NTM: variants seen among roughly 807,000 people sequenced by gnomAD.
NTM encodes the protein IgLON family member 2.
Under a neutral mutation model 42.1 loss-of-function variants are expected in NTM, and 13 were observed. The observed-to-expected ratio is 0.31, with a 90% CI of 0.20 to 0.49. The LOEUF is 0.49. Ranked by LOEUF, NTM falls within the 20% of genes least tolerant of loss-of-function variation. NTM has a pLI of 0.99. For missense variants in NTM, 373 were observed against 452.8 expected (o/e 0.82, Z 1.60); for synonymous variants, 187 against 179.2 (o/e 1.04, Z -0.35).
At chr11:131,879,991 A>G (rs2049209726) in intron 1 of NTM, among the ~76,000 whole-genome samples, 1 of 152,200 alleles carries the variant, frequency 6.6e-6, no homozygotes, top group Non-Finnish European at 1.5e-5. Context: ...AAGGATTACA[A>G]TAGATTTTAC....
intron 4 of NTM, among the ~76,000 whole-genome samples, chr11:132,218,419 G>A (rs2084392758): frequency 6.6e-6 from 1 of 152,210 alleles, no homozygotes; most frequent in South Asian, 2.1e-4. Flanking sequence ...CCAAGAAGGG[G>A]CCTCAGTGAT....
chr11:132,001,415 T>C (rs891022341), intron 2 of NTM, among the ~76,000 whole-genome samples: 1 of 152,202 alleles, frequency 6.6e-6, no homozygotes, highest in Non-Finnish European at 1.5e-5. Flanking sequence ...AATTGGATAA[T>C]GTATAAAGAA....
At chr11:132,235,322 CTG>C (rs907477753) in intron 4 of NTM, among the ~76,000 whole-genome samples, 14 of 152,028 alleles carry the variant, frequency 9.2e-5, no homozygotes, top group Non-Finnish European at 1.9e-4. Flanking sequence ...TAAGTGTTCA[CTG>C]TGTGTGGGTG....
At chr11:131,834,627 TA>T (rs2043251475) in intron 1 of NTM, among the ~76,000 whole-genome samples, 1 of 110,642 alleles carries the variant, frequency 9.0e-6, no homozygotes, top group African/African-American at 4.2e-5. Flanking sequence ...TACATATACA[TA>T]TATATATATA....
chr11:131,594,659 A>G (rs1445644692), intron 1 of NTM, among the ~76,000 whole-genome samples: 1 of 152,136 alleles, frequency 6.6e-6, no homozygotes, highest in Non-Finnish European at 1.5e-5. Flanking sequence ...TCAGCCTCCC[A>G]GAGTGCTGGG....
At chr11:131,836,568 A>G (rs1396130308) in intron 1 of NTM, among the ~76,000 whole-genome samples, 1 of 152,226 alleles carries the variant, frequency 6.6e-6, no homozygotes, top group African/African-American at 2.4e-5. Context: ...ATTTGAGCCT[A>G]GGAATTCAAA....
chr11:132,242,328 T>C (rs912357151), intron 4 of NTM, among the ~76,000 whole-genome samples: 10 of 152,100 alleles, frequency 6.6e-5, no homozygotes, highest in African/African-American at 2.4e-4. Context: ...TTCCTGGAAA[T>C]GGAGGATCAA....
In NTM at chr11:131,993,496, C is replaced by T. The variant is rs2067393286; in HGVS notation, c.167+81848C>T. ...CTTGTGTTTGAAATGCCTACAGGGCCTCCAATTGTGCAAGTCCAGGAAGCA... is the reference window on the plus strand; with the variant it reads ...CTTGTGTTTGAAATGCCTACAGGGCTTCCAATTGTGCAAGTCCAGGAAGCA... On this transcript the variant is annotated intron_variant, in intron 2 of 8. Transcript: ENST00000683400. Among the ~76,000 whole-genome samples the T allele has an allele frequency of 3.3e-5, 5 of 152,168 alleles. No individual in the cohort carries two copies. In the South Asian group the frequency reaches 8.3e-4, roughly 25 times the overall value.
At chr11:131,772,894 G>A (rs1467255804) in intron 1 of NTM, among the ~76,000 whole-genome samples, 3 of 152,188 alleles carry the variant, frequency 2.0e-5, no homozygotes, top group Non-Finnish European at 4.4e-5. Flanking sequence ...TAGAGAGGAA[G>A]GCATTATCTG....
intron 2 of NTM, among the ~76,000 whole-genome samples, chr11:132,073,727 C>T (rs1318820487): frequency 6.6e-6 from 1 of 152,166 alleles, no homozygotes; most frequent in Non-Finnish European, 1.5e-5. Flanking sequence ...CCCAAGGTTG[C>T]ATTCGGAGGT....
chr11:131,655,454 C>A (rs2067059134), intron 1 of NTM, among the ~76,000 whole-genome samples: 1 of 152,192 alleles, frequency 6.6e-6, no homozygotes, highest in South Asian at 2.1e-4. Flanking sequence ...AAACAGGAAA[C>A]CTGAAAAAAG....
intron 2 of NTM, among the ~76,000 whole-genome samples, chr11:132,078,538 G>A (rs1276239795): frequency 2.6e-5 from 4 of 152,198 alleles, no homozygotes; most frequent in African/African-American, 9.6e-5. Flanking sequence ...AAATGGAGGG[G>A]AACTGGGAGT....
At chr11:131,519,511 GAGTT>G (rs2049330286) in intron 1 of NTM, among the ~76,000 whole-genome samples, 1 of 146,188 alleles carries the variant, frequency 6.8e-6, no homozygotes, top group African/African-American at 2.6e-5. Context: ...GGGAGCTGTG[GAGTT>G]AGTTATGACC....
chr11:132,199,345 G>A lies in NTM; in HGVS notation c.401-12677G>A, dbSNP rs541915467. On this transcript the variant is annotated intron_variant, in intron 3 of 8. Transcript: ENST00000683400. ...AAAGGGTCTTAGGTTCTGAATTTTT[G>A]TTAGTTTTGAGGCACAACGTTTGCT... Among the ~76,000 whole-genome samples the A allele has an allele frequency of 5.3e-4, 81 of 152,290 alleles. 1 individual carries two copies. The highest frequency in any genetic ancestry group is 1.8e-3 in the African/African-American group (75 of 41,560).
intron 1 of NTM, among the ~76,000 whole-genome samples, chr11:131,425,093 G>C (rs1947993115): frequency 6.6e-6 from 1 of 150,660 alleles, no homozygotes; most frequent in Admixed American, 6.6e-5. Flanking sequence ...TGTTGGCCAG[G>C]CTGGTTTTGA....
intron 1 of NTM, among the ~76,000 whole-genome samples, chr11:131,509,928 C>T (rs767288806): frequency 6.6e-6 from 1 of 151,884 alleles, no homozygotes; most frequent in Admixed American, 6.6e-5. Flanking sequence ...TATCTCAGGG[C>T]ATCAAAGCAA....
intron 2 of NTM, among the ~76,000 whole-genome samples, chr11:132,023,573 CTT>C (rs773816685): frequency 6.6e-6 from 1 of 152,156 alleles, no homozygotes; most frequent in Non-Finnish European, 1.5e-5. Flanking sequence ...GTCTAGCTCT[CTT>C]TGCATTTCCA....
At chr11:132,317,907 G>T (rs1565468039) in intron 7 of NTM, among the ~76,000 whole-genome samples, 1 of 152,104 alleles carries the variant, frequency 6.6e-6, no homozygotes, top group African/African-American at 2.4e-5. Context: ...GCTGGGAAGG[G>T]GAAAGAAAGA....
chr11:132,074,018 C>T (rs1013178237), intron 2 of NTM, among the ~76,000 whole-genome samples: 2 of 152,184 alleles, frequency 1.3e-5, no homozygotes, highest in Non-Finnish European at 2.9e-5. Flanking sequence ...AGTGGCAGTT[C>T]TAATTGGCTG....
Sources: gnomAD v4.1 joint callset for allele counts (sites outside exome capture counted in the v4.1 genomes callset) on GRCh38, gnomAD v4.1.1 for gene constraint, MANE v1.5 for transcripts, NCBI Gene and HGNC (gene_info 2026-07-23, HGNC 2026-07-21) for gene names.